MAML2: variants seen among roughly 807,000 people sequenced by gnomAD.
The protein encoded by MAML2 is mastermind like transcriptional coactivator 2, also known as mastermind-like protein 2.
Under a neutral mutation model 96.1 loss-of-function variants are expected in MAML2, and 22 were observed. The ratio of observed to expected loss-of-function variants is 0.23; its 90% CI spans 0.16 to 0.33. MAML2 has a LOEUF of 0.33. MAML2 is among the 10% of genes least tolerant of loss of function. The pLI is 1.00. For synonymous variants in MAML2, 561 were observed against 521.3 expected, an observed-to-expected ratio of 1.08 and a Z score of -1.04; for missense variants, 1,367 against 1,392.4, an observed-to-expected ratio of 0.98 and a Z score of 0.29.
chr11:96,219,060 A>G (rs559730633), intron 1 of MAML2, among the ~76,000 whole-genome samples: 3 of 152,212 alleles, frequency 2.0e-5, no homozygotes, highest in Non-Finnish European at 4.4e-5. Flanking sequence ...CGCCATTCCC[A>G]AAGGCCCCTG....
At chr11:96,095,051 A>G (rs745672107) in intron 1 of MAML2, among the ~76,000 whole-genome samples, 3 of 152,244 alleles carry the variant, frequency 2.0e-5, no homozygotes, top group Admixed American at 1.3e-4. Flanking sequence ...AAGGAAAGCA[A>G]TACTCAGAGA....
At chr11:95,985,772 C>G (rs1391612091) in intron 3 of MAML2, 130 bp from the exon 4 acceptor site, 3 of 584,140 alleles carry the variant, frequency 5.1e-6, no homozygotes, top group Non-Finnish European at 9.0e-6. Flanking sequence ...AAATCATGAC[C>G]TTATTTTGTA....
chr11:96,026,999 A>C (rs1274798386), intron 2 of MAML2, among the ~76,000 whole-genome samples: 1 of 152,182 alleles, frequency 6.6e-6, no homozygotes, highest in Non-Finnish European at 1.5e-5. Flanking sequence ...CGATGAATAA[A>C]TAAACCAATG....
At chr11:96,043,011 G>A (rs1485671032) in intron 2 of MAML2, among the ~76,000 whole-genome samples, 2 of 152,180 alleles carry the variant, frequency 1.3e-5, no homozygotes, top group Non-Finnish European at 2.9e-5. Context: ...CTCCCAAAGT[G>A]CTGGGATTAC....
At chr11:96,045,063 C>T (rs913928520) in intron 2 of MAML2, among the ~76,000 whole-genome samples, 5 of 151,588 alleles carry the variant, frequency 3.3e-5, no homozygotes, top group Middle Eastern at 3.2e-3. Context: ...TGCACTTCAC[C>T]AAGCCTTGCA....
rs11021394 is a variant in MAML2, at chr11:96,034,016, C to A, written c.2140-42293G>T. Among the ~76,000 whole-genome samples, 319 of 152,214 alleles carry A rather than the reference C, an allele frequency of 2.1e-3. 2 individuals are homozygous for A. The highest frequency in any genetic ancestry group is 3.4e-3 in the Middle Eastern group (1 of 294). On this transcript the variant is annotated intron_variant, in intron 2 of 4. Transcript: ENST00000524717. ...ATCTTTTCTTTCCTATTATTTTTAT[C>A]CCCCACTCCCTATTGTTGGCCAATC...
intron 2 of MAML2, 22 bp from the exon 3 acceptor site, chr11:95,991,745 G>A (rs2135709845): frequency 6.3e-7 from 1 of 1,596,876 alleles, no homozygotes; most frequent in South Asian, 1.1e-5. Flanking sequence ...AAAGGGGGAA[G>A]GAAAAGCTAC....
At chr11:96,286,748 GA>G (rs1863146436) in intron 1 of MAML2, among the ~76,000 whole-genome samples, 1 of 151,780 alleles carries the variant, frequency 6.6e-6, no homozygotes, top group Non-Finnish European at 1.5e-5. Flanking sequence ...CTAGTCTCAG[GA>G]AAAATGTATA....
chr11:96,312,174 G>A (rs921858696), intron 1 of MAML2, among the ~76,000 whole-genome samples: 24 of 127,488 alleles, frequency 1.9e-4, no homozygotes, highest in African/African-American at 7.1e-4. Flanking sequence ...AGCTGAGATT[G>A]TGCCACCTGC....
chr11:96,202,055 C>T (rs568880168), intron 1 of MAML2, among the ~76,000 whole-genome samples: 6 of 145,338 alleles, frequency 4.1e-5, no homozygotes, highest in East Asian at 4.3e-4. Flanking sequence ...ATGTTTCGGC[C>T]GGGCATGGTG....
intron 1 of MAML2, among the ~76,000 whole-genome samples, chr11:96,307,146 C>A (rs2136001971): frequency 6.6e-6 from 1 of 152,332 alleles, no homozygotes; most frequent in South Asian, 2.1e-4. Context: ...GGCAACATCA[C>A]AGTCACCAAC....
At chr11:96,173,661 A>G (rs1235255084) in intron 1 of MAML2, among the ~76,000 whole-genome samples, 1 of 152,228 alleles carries the variant, frequency 6.6e-6, no homozygotes, top group Non-Finnish European at 1.5e-5. Flanking sequence ...CACAGGAGAC[A>G]GAATTTCAGG....
At position 96,127,999 on chromosome 11, in the gene MAML2, T is replaced by C. The variant is rs560220384; in HGVS notation, c.514-34482A>G. 2.0e-4 allele frequency among the ~76,000 whole-genome samples: 31 copies of C among 152,346 alleles called. No individual in the cohort carries two copies. In the South Asian group the frequency reaches 2.5e-3, roughly 12 times the overall value. ...AGTGCTTCTCAAACCTTAGTGTGTA[T>C]ACAAGTCACCTGGATATCTTGTTAC... On this transcript the variant is annotated intron_variant, in intron 1 of 4. Transcript: ENST00000524717.
chr11:96,059,537 C>G, intron 2 of MAML2, among the ~76,000 whole-genome samples: 1 of 152,224 alleles, frequency 6.6e-6, no homozygotes, highest in Non-Finnish European at 1.5e-5. Flanking sequence ...TATCCTATTT[C>G]GTGTACAAGT....
intron 2 of MAML2, among the ~76,000 whole-genome samples, chr11:96,083,629 T>C (rs1406503790): frequency 1.3e-5 from 2 of 152,126 alleles, no homozygotes; most frequent in African/African-American, 2.4e-5. Context: ...CTAACTTCTG[T>C]TGGGGGAGGG....
chr11:96,157,262 G>A (rs1266900376), intron 1 of MAML2, among the ~76,000 whole-genome samples: 1 of 152,226 alleles, frequency 6.6e-6, no homozygotes, highest in African/African-American at 2.4e-5. Context: ...GTAGGAGAAA[G>A]GGGCTGTCCT....
At chr11:96,276,766 A>G (rs1343737999) in intron 1 of MAML2, among the ~76,000 whole-genome samples, 1 of 131,038 alleles carries the variant, frequency 7.6e-6, no homozygotes, top group Non-Finnish European at 1.6e-5. Flanking sequence ...TTAGCTCCCC[A>G]TTTTCATAAT....
intron 1 of MAML2, among the ~76,000 whole-genome samples, chr11:96,117,489 A>T (rs1337012444): frequency 6.6e-6 from 1 of 151,592 alleles, no homozygotes; most frequent in East Asian, 1.9e-4. Flanking sequence ...TTGTTGAGAC[A>T]AGGTTTTGCC....
At chr11:96,339,612 C>T (rs928717188) in intron 1 of MAML2, among the ~76,000 whole-genome samples, 1 of 152,186 alleles carries the variant, frequency 6.6e-6, no homozygotes, top group Non-Finnish European at 1.5e-5. Flanking sequence ...GCCTCACTTG[C>T]GGTTCCATCC....
Sources: gnomAD v4.1 joint callset for allele counts (sites outside exome capture counted in the v4.1 genomes callset) on GRCh38, gnomAD v4.1.1 for gene constraint, MANE v1.5 for transcripts, NCBI Gene and HGNC (gene_info 2026-07-23, HGNC 2026-07-21) for gene names.